Variants in RAD51B observed in about 807,000 individuals in gnomAD.
The protein encoded by RAD51B is RAD51 paralog B.
A neutral mutation model predicts 42.2 loss-of-function variants in RAD51B; 38 were observed. That is an observed-to-expected ratio of 0.90 (90% confidence interval 0.70 to 1.18). The LOEUF (loss-of-function observed/expected upper bound fraction) is 1.18, where lower values mean the gene tolerates loss of function less well. Among genes scored for constraint, RAD51B ranks in the 50% most tolerant of loss-of-function variants. The pLI is 0.00. For synonymous variants in RAD51B, 154 were observed against 145.2 expected (o/e 1.06, Z -0.43); for missense variants, 373 against 400.7 (o/e 0.93, Z 0.59).
rs531415417 is a variant in RAD51B at position 68,381,949 on chromosome 14, C to G, written c.854-29475C>G. On this transcript the variant is annotated intron_variant, in intron 8 of 10. Coordinates refer to ENST00000471583, the MANE Select transcript of RAD51B (RefSeq NM_133510.4). ...CACCTGTGCTTACTTCAGATTATCTCTGAAACAATCAGATGTAATGGCCAG... is the reference window on the plus strand; with the variant it reads ...CACCTGTGCTTACTTCAGATTATCTGTGAAACAATCAGATGTAATGGCCAG... Among the ~76,000 whole-genome samples the G allele has an allele frequency of 2.6e-5, 4 of 152,304 alleles. No homozygotes were observed. The East Asian group carries it at 5.8e-4, about 22-fold the overall frequency.
At chr14:68,103,425 TA>T (rs1329467256) in intron 7 of RAD51B, among the ~76,000 whole-genome samples, 3 of 152,018 alleles carry the variant, frequency 2.0e-5, no homozygotes, top group Non-Finnish European at 4.4e-5. Flanking sequence ...AGTATGATGA[TA>T]AAAAAACATA....
At chr14:68,338,863 T>C in intron 8 of RAD51B, 1 of 624,038 alleles carries the variant, frequency 1.6e-6, no homozygotes, top group Non-Finnish European at 3.0e-6. Context: ...TTGGTCCTGA[T>C]AGCTTCCACC....
At chr14:68,484,324 C>G (rs1021121323) in intron 10 of RAD51B, among the ~76,000 whole-genome samples, 3 of 150,782 alleles carry the variant, frequency 2.0e-5, no homozygotes, top group Non-Finnish European at 3.0e-5. Flanking sequence ...CTTGTACAAA[C>G]TTTTAGTTAC....
At chr14:68,090,940 G>C (rs1011904813) in intron 7 of RAD51B, among the ~76,000 whole-genome samples, 1 of 145,070 alleles carries the variant, frequency 6.9e-6, no homozygotes, top group Non-Finnish European at 1.5e-5. Flanking sequence ...CTATGAGTGA[G>C]AACATGCGGT....
At chr14:67,922,212 G>C (rs1443764650) in intron 7 of RAD51B, among the ~76,000 whole-genome samples, 1 of 152,140 alleles carries the variant, frequency 6.6e-6, no homozygotes, top group African/African-American at 2.4e-5. Context: ...TCTCTCTTTG[G>C]TAGAGTTGGT....
chr14:68,442,252 A>G (rs930734166), intron 9 of RAD51B, among the ~76,000 whole-genome samples: 1 of 151,996 alleles, frequency 6.6e-6, no homozygotes, highest in African/African-American at 2.4e-5. Flanking sequence ...TTTGGTCACA[A>G]CCTTTCTCTC....
intron 7 of RAD51B, among the ~76,000 whole-genome samples, chr14:68,274,150 T>C (rs555274242): frequency 1.3e-5 from 2 of 152,278 alleles, no homozygotes; most frequent in South Asian, 4.1e-4. Flanking sequence ...TTTTAGACAT[T>C]ATCTCATGTT....
At chr14:68,415,483 G>A (rs914014385) in intron 9 of RAD51B, among the ~76,000 whole-genome samples, 1 of 152,186 alleles carries the variant, frequency 6.6e-6, no homozygotes, top group Non-Finnish European at 1.5e-5. Flanking sequence ...AACAAAAACA[G>A]GTAAGAGATG....
intron 7 of RAD51B, among the ~76,000 whole-genome samples, chr14:67,975,132 C>T (rs1302046657): frequency 6.6e-6 from 1 of 152,108 alleles, no homozygotes. Context: ...CTAGTAATAT[C>T]GTATCTGTCT....
At chr14:68,127,646 CACACACACAT>C (rs1384850032) in intron 7 of RAD51B, among the ~76,000 whole-genome samples, 2,459 of 136,694 alleles carry the variant, frequency 0.018, 55 homozygotes, top group African/African-American at 0.07. Flanking sequence ...CACACACACA[CACACACACAT>C]ACACACAGTA....
At chr14:67,825,428 A>G in intron 2 of RAD51B, 36 bp from the exon 3 acceptor site, 1 of 1,449,552 alleles carries the variant, frequency 6.9e-7, no homozygotes, top group Non-Finnish European at 9.6e-7. Flanking sequence ...TTTGTTACAC[A>G]TATATGTTTA....
chr14:68,573,033 A>G (rs1889788048), intron 10 of RAD51B, among the ~76,000 whole-genome samples: 1 of 152,086 alleles, frequency 6.6e-6, no homozygotes, highest in Non-Finnish European at 1.5e-5. Flanking sequence ...CAGGCCAGGG[A>G]GTGTCATCAT....
chr14:68,033,190 T>G (rs2076073531), intron 7 of RAD51B, among the ~76,000 whole-genome samples: 1 of 152,226 alleles, frequency 6.6e-6, no homozygotes, highest in South Asian at 2.1e-4. Context: ...TTGTTAAATG[T>G]TGTTAAATAA....
At chr14:67,823,501 TG>T (rs1413439684) in intron 1 of RAD51B, 40 bp from the exon 2 acceptor site, 2 of 1,562,938 alleles carry the variant, frequency 1.3e-6, no homozygotes, top group South Asian at 1.1e-5. Context: ...TATATTCTGT[TG>T]TTTTTTTCAT....
At chr14:68,223,931 G>C (rs1211357963) in intron 7 of RAD51B, among the ~76,000 whole-genome samples, 1 of 152,172 alleles carries the variant, frequency 6.6e-6, no homozygotes, top group Admixed American at 6.5e-5. Context: ...TAGCTGTGCT[G>C]ATATCATCCA....
intron 9 of RAD51B, among the ~76,000 whole-genome samples, chr14:68,460,346 G>A (rs1381420497): frequency 3.3e-5 from 5 of 152,196 alleles, no homozygotes; most frequent in African/African-American, 9.6e-5. Flanking sequence ...CCAGCTACTC[G>A]GGAGGCTGAG....
chr14:68,491,615 T>TG lies in RAD51B; in HGVS notation c.1036+23372dup, dbSNP rs949080422. On this transcript the variant is annotated intron_variant, in intron 10 of 10. Transcript: ENST00000487270. ...GTCCAGAAACCCGTCTTAGTCCAAGTGGGGGGGCACTGCAAGAATTCAGTC... is the reference window on the plus strand; with the variant it reads ...GTCCAGAAACCCGTCTTAGTCCAAGTGGGGGGGGCACTGCAAGAATTCAGTC... Among the ~76,000 whole-genome samples, 9 of 152,164 alleles carry TG rather than the reference T, an allele frequency of 5.9e-5. No homozygotes were observed. The South Asian group carries it at 1.7e-3, about 28-fold the overall frequency.
chr14:68,203,626 T>C (rs1480998782), intron 7 of RAD51B, among the ~76,000 whole-genome samples: 2 of 152,206 alleles, frequency 1.3e-5, no homozygotes, highest in African/African-American at 2.4e-5. Context: ...GGCATTGACT[T>C]CTGCTCTTGA....
In RAD51B at chr14:68,216,501, G is replaced by A. The variant is rs187576983; in HGVS notation, c.757-75383G>A. Among the ~76,000 whole-genome samples, 438 of 152,230 alleles carry A rather than the reference G, an allele frequency of 2.9e-3. 1 individual carries two copies. The highest frequency in any genetic ancestry group is 4.9e-3 in the Admixed American group (75 of 15,296). ...AAGTGAACTCTACCTTAATGTGTTG[G>A]AAAAGAGTGTAGCAAATCAAATATA... On this transcript the variant is annotated intron_variant, in intron 7 of 10. Transcript: ENST00000471583.
Sources: allele counts gnomAD v4.1 joint callset (sites outside exome capture counted in the v4.1 genomes callset), GRCh38; gene constraint gnomAD v4.1.1; transcripts MANE v1.5; gene names NCBI Gene and HGNC (gene_info 2026-07-23, HGNC 2026-07-21).